The following UGT1A8 variants were observed in gnomAD, a reference collection of about 807,000 sequenced individuals.
UGT1A8 encodes UDP glucuronosyltransferase family 1 member A8.
In UGT1A8, 39 loss-of-function variants were observed where a neutral mutation model predicts 45.3. The observed-to-expected ratio is 0.86, with a 90% CI of 0.67 to 1.12. The LOEUF (loss-of-function observed/expected upper bound fraction) is 1.12. Among genes scored for constraint, UGT1A8 ranks in the 50% most tolerant of loss-of-function variants. The pLI is 0.00. For missense variants in UGT1A8, 719 were observed against 664.9 expected, an observed-to-expected ratio of 1.08 and a Z score of -0.90; for synonymous variants, 275 against 249.2, an observed-to-expected ratio of 1.10 and a Z score of -0.97.
intron 1 of UGT1A8, among the ~76,000 whole-genome samples, chr2:233,646,878 C>T (rs1472630665): frequency 1.3e-5 from 2 of 152,324 alleles, no homozygotes; most frequent in African/African-American, 4.8e-5. Context: ...TTTTCAGTAG[C>T]AATCCACTCT....
At chr2:233,724,321 C>A (rs1437047103) in intron 1 of UGT1A8, among the ~76,000 whole-genome samples, 7 of 146,642 alleles carry the variant, frequency 4.8e-5, no homozygotes, top group East Asian at 4.5e-4. Context: ...GACGGGGCGG[C>A]TGGCCAGGCG....
chr2:233,619,571 G>T (rs1384242566), intron 1 of UGT1A8, among the ~76,000 whole-genome samples: 1 of 151,986 alleles, frequency 6.6e-6, no homozygotes, highest in East Asian at 1.9e-4. Flanking sequence ...TTCAGGTCTT[G>T]TTTTATATAC....
chr2:233,684,222 C>T (rs1240713446), intron 1 of UGT1A8, among the ~76,000 whole-genome samples: 2 of 152,110 alleles, frequency 1.3e-5, no homozygotes, highest in Non-Finnish European at 2.9e-5. Flanking sequence ...GAAAATGCAA[C>T]CAAGCGCTTT....
At chr2:233,703,465 T>C (rs368098064) in intron 1 of UGT1A8, among the ~76,000 whole-genome samples, 9 of 152,274 alleles carry the variant, frequency 5.9e-5, no homozygotes, top group African/African-American at 2.2e-4. Flanking sequence ...CTCTATTCTT[T>C]ATTATTTTCT....
chr2:233,762,816 G>T (rs28946889), intron 1 of UGT1A8, among the ~76,000 whole-genome samples: 30,774 of 150,410 alleles, frequency 0.2, 3,870 homozygotes, highest in East Asian at 0.45. Flanking sequence ...TCAAAATATT[G>T]ATTTTCATAA....
intron 1 of UGT1A8, among the ~76,000 whole-genome samples, chr2:233,689,163 C>T (rs1201138635): frequency 6.6e-6 from 1 of 152,222 alleles, no homozygotes; most frequent in Non-Finnish European, 1.5e-5. Context: ...AACACCTTAT[C>T]TTCTACTAGG....
At chr2:233,629,028 A>G (rs983901922) in intron 1 of UGT1A8, among the ~76,000 whole-genome samples, 1 of 152,104 alleles carries the variant, frequency 6.6e-6, no homozygotes, top group African/African-American at 2.4e-5. Flanking sequence ...GTACGTTCAC[A>G]TTGCTGTGCA....
At chr2:233,646,944 T>C (rs1300663439) in intron 1 of UGT1A8, among the ~76,000 whole-genome samples, 1 of 152,194 alleles carries the variant, frequency 6.6e-6, no homozygotes. Flanking sequence ...AAGACATGCC[T>C]GAGACTAAGG....
intron 1 of UGT1A8, among the ~76,000 whole-genome samples, chr2:233,641,878 G>A (rs1029375026): frequency 1.3e-5 from 2 of 152,126 alleles, no homozygotes; most frequent in Non-Finnish European, 2.9e-5. Flanking sequence ...GCTGCCAGAT[G>A]TATTGGAACT....
intron 1 of UGT1A8, among the ~76,000 whole-genome samples, chr2:233,665,933 C>T (rs1240750269): frequency 6.6e-6 from 1 of 152,188 alleles, no homozygotes; most frequent in Middle Eastern, 3.2e-3. Flanking sequence ...TGTTCATACT[C>T]ACCAACACTG....
chr2:233,705,831 G>A (rs979530051), intron 1 of UGT1A8, among the ~76,000 whole-genome samples: 2 of 152,180 alleles, frequency 1.3e-5, no homozygotes, highest in Non-Finnish European at 2.9e-5. Context: ...CGAGCACAGT[G>A]GCTGGAGCTG....
At chr2:233,717,941 A>G in intron 1 of UGT1A8, 1 of 453,744 alleles carries the variant, frequency 2.2e-6, no homozygotes, top group Middle Eastern at 6.9e-4. Context: ...GTCTCTATGC[A>G]GACTTGCAGA....
At chr2:233,720,869 C>A (rs944438074) in intron 1 of UGT1A8, among the ~76,000 whole-genome samples, 12 of 119,508 alleles carry the variant, frequency 1.0e-4, no homozygotes, top group African/African-American at 3.8e-4. Flanking sequence ...CTGCTCCTGG[C>A]AATTTTTTTT....
intron 1 of UGT1A8, among the ~76,000 whole-genome samples, chr2:233,759,944 G>C (rs1242141869): frequency 6.6e-6 from 1 of 152,160 alleles, no homozygotes; most frequent in African/African-American, 2.4e-5. Context: ...AGCCTAACTT[G>C]TTCACTACAT....
chr2:233,729,594 C>T (rs1443112600), intron 1 of UGT1A8: 5 of 1,614,106 alleles, frequency 3.1e-6, no homozygotes, highest in Non-Finnish European at 4.2e-6. Flanking sequence ...CCGTTAACCT[C>T]TGCGCGGCAG....
At position 233,724,298 on chromosome 2, in the gene UGT1A8, C is replaced by G. The variant is rs1308100434; in HGVS notation, c.856-42736C>G. Among the ~76,000 whole-genome samples, 14 of 143,328 alleles carry G rather than the reference C, an allele frequency of 9.8e-5. No individual in the cohort carries two copies. In the East Asian group the frequency reaches 3.1e-3, roughly 31 times the overall value. 94.0% of individuals were successfully genotyped at this position (143,328 alleles called of 152,430 possible). Reference sequence around the variant, plus strand: ...TGGCCGGGCGGGGGGCTGACCCCCCCACCTCCCTCCCGGACGGGGCGGCTG... The same window carrying G: ...TGGCCGGGCGGGGGGCTGACCCCCCGACCTCCCTCCCGGACGGGGCGGCTG... On this transcript the variant is annotated intron_variant, in intron 1 of 4. Transcript: ENST00000373450.
chr2:233,681,904 A>T (rs766247764), intron 1 of UGT1A8: 14 of 1,596,016 alleles, frequency 8.8e-6, no homozygotes, highest in African/African-American at 1.3e-5. Flanking sequence ...GGAGCTTAGA[A>T]TCCCAGCTGC....
At chr2:233,729,375 G>T (rs148006660) in intron 1 of UGT1A8, 2 of 1,613,886 alleles carry the variant, frequency 1.2e-6, no homozygotes, top group Non-Finnish European at 1.7e-6. Flanking sequence ...ATGCCATTTC[G>T]TGGACCCAGG....
At position 233,618,449 on chromosome 2, in the gene UGT1A8, A is replaced by T; in HGVS notation, c.742A>T (p.Thr248Ser). 1 of 1,613,894 alleles carries T rather than the reference A, an allele frequency of 6.2e-7. No individual in the cohort carries two copies. The highest frequency in any genetic ancestry group is 8.5e-7 in the Non-Finnish European group (1 of 1,179,802). ...PVTAYDLYSHTSIWLLRTDFV... is the reference protein window; with the variant it reads ...PVTAYDLYSHSSIWLLRTDFV... ...CACAGCATATGATCTCTACAGCCAC[A>T]CATCAATTTGGTTGTTGCGAACAGA... is the stretch of plus-strand genomic sequence containing the variant. Residue 248 changes from threonine to serine, a missense_variant, in exon 1 of 5, where the codon ACA becomes TCA. Transcript: ENST00000373450.
Sources: allele counts gnomAD v4.1 joint callset (sites outside exome capture counted in the v4.1 genomes callset), GRCh38; gene constraint gnomAD v4.1.1; transcripts MANE v1.5; gene names NCBI Gene and HGNC (gene_info 2026-07-23, HGNC 2026-07-21).